The following ANOS1 variants were observed in gnomAD, a reference collection of about 807,000 sequenced individuals.
ANOS1 encodes anosmin-1.
In ANOS1, 6 loss-of-function variants were observed where a neutral mutation model predicts 59.0. The observed-to-expected ratio is 0.10, with a 90% CI of 0.06 to 0.20. The LOEUF (loss-of-function observed/expected upper bound fraction) is 0.20. ANOS1 is among the 10% of genes least tolerant of loss of function. The probability of loss-of-function intolerance (pLI) is 1.00; values close to 1 mark genes in which losing one functional copy is unlikely to be tolerated. For missense variants in ANOS1, 433 were observed against 542.3 expected, an observed-to-expected ratio of 0.80 and a Z score of 2.00; for synonymous variants, 217 against 223.4, an observed-to-expected ratio of 0.97 and a Z score of 0.25.
rs201842998 is a variant in ANOS1 at position 8,536,876 on chromosome X, G to A, written c.1516C>T (p.Arg506Trp). ...CKYKVTVQPI[R>W]PKSHSKAEAV... Reference sequence around the variant, plus strand: ...TCTGCCTTGGAGTGACTTTTTGGCCGTATTGGTTGGACAGTCACCTTATAC... The same window carrying A: ...TCTGCCTTGGAGTGACTTTTTGGCCATATTGGTTGGACAGTCACCTTATAC... Residue 506 changes from arginine (R) to tryptophan (W), a missense_variant, in exon 11 of 14, where the codon CGG becomes TGG. Coordinates refer to ENST00000262648, the MANE Select transcript of ANOS1 (RefSeq NM_000216.4). The A allele has an allele frequency of 1.5e-5, 18 of 1,204,132 alleles. No homozygotes were observed. Among genetic ancestry groups the A allele is most frequent in the Middle Eastern group, 2.3e-4 (1 of 4,354 alleles).
chrX:8,595,261 T>G (rs2146825788), intron 4 of ANOS1, among the ~76,000 whole-genome samples: 1 of 111,837 alleles, frequency 8.9e-6, no homozygotes, highest in East Asian at 2.8e-4. Context: ...ACAGATGCTT[T>G]AAAAGTTAGA....
In ANOS1 at chrX:8,585,366, T is replaced by C; in HGVS notation, c.757A>G (p.Ile253Val). ...TTDERVQLTD[I>V]RPSRWYQFRV... ...AACTGGTACCATCGGCTGGGTCTTATGTCAGTCAGTTGAACTCGCTCGTCT... is the reference window on the plus strand; with the variant it reads ...AACTGGTACCATCGGCTGGGTCTTACGTCAGTCAGTTGAACTCGCTCGTCT... Residue 253 changes from isoleucine (I) to valine (V), a missense_variant, in exon 6 of 14, where the codon ATA becomes GTA. Coordinates refer to ENST00000262648, the MANE Select transcript of ANOS1 (RefSeq NM_000216.4). 8.3e-7 allele frequency: 1 copy of C among 1,211,442 alleles called. No homozygotes were observed. Among genetic ancestry groups the C allele is most frequent in the Non-Finnish European group, 1.1e-6 (1 of 895,095 alleles).
At chrX:8,557,001 C>G in intron 8 of ANOS1, among the ~76,000 whole-genome samples, 1 of 111,455 alleles carries the variant, frequency 9.0e-6, no homozygotes, top group Middle Eastern at 4.6e-3. Context: ...TGGAACAGAA[C>G]AGAGGCCTCA....
At chrX:8,585,901 A>G (rs139292916) in intron 5 of ANOS1, among the ~76,000 whole-genome samples, 1,971 of 112,010 alleles carry the variant, frequency 0.018, 47 homozygotes, top group African/African-American at 0.061. Flanking sequence ...CATAACATCT[A>G]TGAAGAACCA....
chrX:8,647,602 T>C (rs936732543), intron 2 of ANOS1, among the ~76,000 whole-genome samples: 4 of 112,152 alleles, frequency 3.6e-5, no homozygotes, highest in African/African-American at 1.3e-4. Context: ...CCAAACTGCT[T>C]TGAAGCATAT....
chrX:8,532,867 A>C lies in ANOS1; in HGVS notation c.*128T>G. ...CATGATTGACAGAAGTTCTTCCTGC[A>C]CTAAAGTCACATAGGAGAGTCCGGG... On this transcript the variant is annotated 3_prime_UTR_variant, in exon 14 of 14. Coordinates refer to ENST00000262648, the MANE Select transcript of ANOS1 (RefSeq NM_000216.4). 2.0e-6 allele frequency: 1 copy of C among 492,685 alleles called. No homozygotes were observed. The highest frequency in any genetic ancestry group is 3.7e-6 in the Non-Finnish European group (1 of 270,371). The allele number at this position is 492,685 out of a possible 1,213,427, so 40.6% of individuals were successfully genotyped here.
At chrX:8,662,672 T>C (rs1236168352) in intron 2 of ANOS1, among the ~76,000 whole-genome samples, 1 of 112,033 alleles carries the variant, frequency 8.9e-6, no homozygotes. Context: ...CAATGACTGG[T>C]CTCCTTATAA....
At chrX:8,671,939 C>G (rs188146010) in intron 2 of ANOS1, among the ~76,000 whole-genome samples, 5 of 110,703 alleles carry the variant, frequency 4.5e-5, no homozygotes, top group African/African-American at 1.3e-4. Flanking sequence ...TCAAGATCTA[C>G]TCTTTCAGTG....
intron 2 of ANOS1, among the ~76,000 whole-genome samples, chrX:8,644,393 G>A (rs10127004): frequency 0.17 from 18,660 of 108,750 alleles, 2,318 homozygotes; most frequent in African/African-American, 0.43. Flanking sequence ...GGGATCTTAA[G>A]ACTGACAAAA....
At chrX:8,641,799 C>T (rs1280845249) in intron 2 of ANOS1, among the ~76,000 whole-genome samples, 1 of 111,626 alleles carries the variant, frequency 9.0e-6, no homozygotes, top group Non-Finnish European at 1.9e-5. Context: ...CAAAATTCCC[C>T]GAAAACTGAT....
At chrX:8,664,285 G>A (rs886497635) in intron 2 of ANOS1, among the ~76,000 whole-genome samples, 8 of 111,618 alleles carry the variant, frequency 7.2e-5, no homozygotes, top group African/African-American at 2.6e-4. Context: ...CTGCCTCCCG[G>A]GTTCACGCCA....
chrX:8,630,465 AG>A (rs1456683431), intron 2 of ANOS1, among the ~76,000 whole-genome samples: 2 of 111,754 alleles, frequency 1.8e-5, no homozygotes, highest in Non-Finnish European at 3.8e-5. Flanking sequence ...ACCAAAAAAA[AG>A]TCATAAGAAA....
intron 2 of ANOS1, among the ~76,000 whole-genome samples, chrX:8,666,295 C>G (rs1159173674): frequency 1.8e-5 from 2 of 111,630 alleles, no homozygotes; most frequent in East Asian, 2.8e-4. Flanking sequence ...GAAGAGTCCC[C>G]TTTGTTGTAT....
At chrX:8,623,940 C>T (rs986192082) in intron 2 of ANOS1, among the ~76,000 whole-genome samples, 1 of 109,856 alleles carries the variant, frequency 9.1e-6, no homozygotes, top group Non-Finnish European at 1.9e-5. Context: ...AAGTAATGAT[C>T]GTCACCATCA....
chrX:8,619,329 G>GGT (rs1261784366), intron 3 of ANOS1, among the ~76,000 whole-genome samples: 5 of 111,455 alleles, frequency 4.5e-5, no homozygotes, highest in Admixed American at 2.9e-4. Context: ...TTATTGGCCG[G>GGT]GCAAGGTGGC....
chrX:8,568,077 C>T (rs1214844281), intron 8 of ANOS1, among the ~76,000 whole-genome samples, 155 bp downstream of exon 8: 1 of 111,995 alleles, frequency 8.9e-6, no homozygotes, highest in African/African-American at 3.2e-5. Flanking sequence ...TTTCGTATGT[C>T]GTAGTTTAAA....
intron 3 of ANOS1, among the ~76,000 whole-genome samples, chrX:8,601,717 A>C (rs1246090378): frequency 1.8e-5 from 2 of 112,445 alleles, no homozygotes; most frequent in Non-Finnish European, 3.8e-5. Flanking sequence ...TAATCTTGAA[A>C]TAATACAGGT....
intron 2 of ANOS1, among the ~76,000 whole-genome samples, chrX:8,665,354 G>C (rs1003798145): frequency 8.9e-6 from 1 of 112,450 alleles, no homozygotes; most frequent in East Asian, 2.8e-4. Flanking sequence ...TGCCCAGGCT[G>C]ATCTGTCACA....
intron 8 of ANOS1, among the ~76,000 whole-genome samples, chrX:8,561,378 C>A (rs1263264279): frequency 9.1e-6 from 1 of 109,748 alleles, no homozygotes; most frequent in Non-Finnish European, 1.9e-5. Flanking sequence ...CGGCTCACTG[C>A]AAGCTCTGCC....
Sources: gnomAD v4.1 joint callset for allele counts (sites outside exome capture counted in the v4.1 genomes callset) on GRCh38, gnomAD v4.1.1 for gene constraint, MANE v1.5 for transcripts, NCBI Gene and HGNC (gene_info 2026-07-23, HGNC 2026-07-21) for gene names.